The following OSBPL5 variants were observed in gnomAD, a reference collection of about 807,000 sequenced individuals.
OSBPL5 encodes the protein oxysterol-binding protein-related protein 5.
Under a neutral mutation model 111.2 loss-of-function variants are expected in OSBPL5, and 71 were observed. That is an observed-to-expected ratio of 0.64 (90% confidence interval 0.53 to 0.78). The LOEUF (loss-of-function observed/expected upper bound fraction) is 0.78. Ranked by LOEUF, OSBPL5 falls within the 30% of genes least tolerant of loss-of-function variation. The pLI, the probability that OSBPL5 is intolerant of heterozygous loss-of-function variation, is 0.00. For synonymous variants in OSBPL5, 549 were observed against 513.9 expected (o/e 1.07, Z -0.93); for missense variants, 1,210 against 1,189.3 (o/e 1.02, Z -0.26).
intron 1 of OSBPL5, among the ~76,000 whole-genome samples, chr11:3,158,674 G>A (rs1846858675): frequency 6.6e-6 from 1 of 152,272 alleles, no homozygotes; most frequent in South Asian, 2.1e-4. Context: ...GCTGCACACA[G>A]TGGTGCAGGA....
intron 1 of OSBPL5, among the ~76,000 whole-genome samples, chr11:3,145,028 C>T (rs1846293167): frequency 1.3e-5 from 2 of 152,234 alleles, no homozygotes; most frequent in South Asian, 4.1e-4. Context: ...CCAGCGGAGG[C>T]CTTTGGGGGG....
intron 3 of OSBPL5, among the ~76,000 whole-genome samples, chr11:3,125,645 A>T (rs538079093): frequency 1.5e-3 from 226 of 152,350 alleles, no homozygotes; most frequent in Non-Finnish European, 2.6e-3. Flanking sequence ...TCTACTAAAA[A>T]TACAAAAAAA....
In OSBPL5 at chr11:3,101,582, C is replaced by T. The variant is rs561142041; in HGVS notation, c.1522+21G>A. The T allele has an allele frequency of 2.2e-5, 35 of 1,599,370 alleles. No homozygotes were observed. The Admixed American group carries it at 2.5e-4, about 11-fold the overall frequency. ...CGCATTTCCCTGAGGCCCCAGGGAGCGCCCAGGGTGACCCCCTCACCATAA... is the reference window on the plus strand; with the variant it reads ...CGCATTTCCCTGAGGCCCCAGGGAGTGCCCAGGGTGACCCCCTCACCATAA... On this transcript the variant is annotated intron_variant, in intron 13 of 21. Coordinates refer to ENST00000263650, the MANE Select transcript of OSBPL5 (RefSeq NM_020896.4).
rs548961694 is a variant in OSBPL5 at position 3,121,546 on chromosome 11, A to G, written c.402+451T>C. On this transcript the variant is annotated intron_variant, in intron 5 of 21. Transcript: ENST00000263650. This position sits in a 1 kb window ranked among gnomAD's most constrained non-coding sequence, Gnocchi z 4.3. ...TTGCCCAGCAGCCTCGGAGTTGGGCAGTTTTACCTCCACTGTACACAAGGG... is the reference window on the plus strand; with the variant it reads ...TTGCCCAGCAGCCTCGGAGTTGGGCGGTTTTACCTCCACTGTACACAAGGG... Among the ~76,000 whole-genome samples, 7 of 152,210 alleles carry G rather than the reference A, an allele frequency of 4.6e-5. No homozygotes were observed. The East Asian group carries it at 1.4e-3, about 29-fold the overall frequency.
At chr11:3,143,056 GGAGCGGGGCAGAGGAGGCAGGTGCA>G (rs1846185855) in intron 1 of OSBPL5, among the ~76,000 whole-genome samples, 1 of 61,628 alleles carries the variant, frequency 1.6e-5, no homozygotes, top group Non-Finnish European at 3.4e-5. Flanking sequence ...AGGCAGGTGC[GGAGCGGGGCAGAGGAGGCAGGTGCA>G]GAGGGGGGCA....
chr11:3,119,021 T>TC (rs1271143261), intron 7 of OSBPL5, among the ~76,000 whole-genome samples: 1 of 151,488 alleles, frequency 6.6e-6, no homozygotes, highest in Non-Finnish European at 1.5e-5. Context: ...TTTTTTTTTT[T>TC]TCTTTAAGAC....
At position 3,146,252 on chromosome 11, in the gene OSBPL5, A is replaced by C. The variant is rs1846339881; in HGVS notation, c.-21-17083T>G. On this transcript the variant is annotated intron_variant, in intron 1 of 21. Transcript: ENST00000263650. The surrounding 1 kb of genome is among the most constrained non-coding windows in gnomAD (Gnocchi z 7.8). ...TTATGAGCTGCGCCCCCACCCCCAA[A>C]CCCACCTCTGGGGAAGTCTGTTCTT... is the stretch of plus-strand genomic sequence containing the variant. 1 of 151,662 alleles carries C rather than the reference A, an allele frequency of 6.6e-6. No homozygotes were observed. Among genetic ancestry groups the C allele is most frequent in the Non-Finnish European group, 1.5e-5 (1 of 67,940 alleles). The allele number at this position is 151,662 out of a possible 1,614,324, so 9.4% of individuals were successfully genotyped here.
At chr11:3,148,156 C>G (rs1846427854) in intron 1 of OSBPL5, among the ~76,000 whole-genome samples, 6 of 152,244 alleles carry the variant, frequency 3.9e-5, no homozygotes, top group Admixed American at 2.6e-4. Context: ...GATGTGTATA[C>G]AGTACAGCCG....
intron 3 of OSBPL5, among the ~76,000 whole-genome samples, chr11:3,124,020 G>T (rs990369589): frequency 3.3e-5 from 5 of 152,230 alleles, no homozygotes; most frequent in African/African-American, 1.2e-4. Flanking sequence ...CCAGCCACCA[G>T]CACGCAGAGG....
rs1846074783 is a variant in OSBPL5, at chr11:3,140,473, T to C, written c.-21-11304A>G. On this transcript the variant is annotated intron_variant, in intron 1 of 21. Coordinates refer to ENST00000263650, the MANE Select transcript of OSBPL5 (RefSeq NM_020896.4). The surrounding 1 kb of genome is among the most constrained non-coding windows in gnomAD (Gnocchi z 4.5). ...CTGTGTGGACACTCAGGGGTCCCAG[T>C]CTGAGGGGGAACACAAGGCCTTGAC... Among the ~76,000 whole-genome samples the C allele has an allele frequency of 6.6e-6, 1 of 151,962 alleles. No individual in the cohort carries two copies. Among genetic ancestry groups the C allele is most frequent in the South Asian group, 2.1e-4 (1 of 4,828 alleles).
chr11:3,142,871 G>A lies in OSBPL5; in HGVS notation c.-21-13702C>T, dbSNP rs1346760261. ...ACACAAGGAAACAGTGAGACCAGAG[G>A]AAAAGGACAAAACCAGTCACCCAGG... is the stretch of plus-strand genomic sequence containing the variant. On this transcript the variant is annotated intron_variant, in intron 1 of 21. Coordinates refer to ENST00000263650, the MANE Select transcript of OSBPL5 (RefSeq NM_020896.4). This position sits in a 1 kb window ranked among gnomAD's most constrained non-coding sequence, Gnocchi z 7.1. Among the ~76,000 whole-genome samples the A allele has an allele frequency of 6.6e-6, 1 of 151,806 alleles. No homozygotes were observed. The highest frequency in any genetic ancestry group is 1.5e-5 in the Non-Finnish European group (1 of 67,942).
chr11:3,147,907 C>G (rs113669016), intron 1 of OSBPL5, among the ~76,000 whole-genome samples: 5 of 152,188 alleles, frequency 3.3e-5, no homozygotes, highest in Non-Finnish European at 5.9e-5. Flanking sequence ...TGCGACTGAA[C>G]GCCCACCATG....
intron 5 of OSBPL5, among the ~76,000 whole-genome samples, chr11:3,120,989 G>C (rs997150085): frequency 6.6e-6 from 1 of 151,892 alleles, no homozygotes; most frequent in Non-Finnish European, 1.5e-5. Context: ...CGTGGGTCAA[G>C]TTCAAGGTCA....
chr11:3,088,522 G>A (rs1221184019), intron 21 of OSBPL5, among the ~76,000 whole-genome samples, 179 bp from the exon 22 acceptor site: 1 of 152,088 alleles, frequency 6.6e-6, no homozygotes, highest in Non-Finnish European at 1.5e-5. Context: ...TAGTGGGAGG[G>A]CCCCACAGCA....
chr11:3,157,048 G>A (rs1295221946), intron 1 of OSBPL5, among the ~76,000 whole-genome samples: 1 of 152,248 alleles, frequency 6.6e-6, no homozygotes, highest in South Asian at 2.1e-4. Context: ...CTCCCAGTTC[G>A]CACAGGTCAG....
intron 1 of OSBPL5, among the ~76,000 whole-genome samples, chr11:3,139,745 G>A (rs766786660): frequency 6.6e-6 from 1 of 152,182 alleles, no homozygotes; most frequent in Non-Finnish European, 1.5e-5. Flanking sequence ...CTGGGCTCCT[G>A]GACCCTGGGT....
chr11:3,090,419 C>A, intron 20 of OSBPL5, 139 bp downstream of exon 20: 1 of 1,246,252 alleles, frequency 8.0e-7, no homozygotes, highest in Non-Finnish European at 1.1e-6. Flanking sequence ...TGGGGGGCCC[C>A]TCAGGGCAGC....
At chr11:3,101,429 C>T (rs536410010) in intron 13 of OSBPL5, among the ~76,000 whole-genome samples, 174 bp downstream of exon 13, 94 of 152,258 alleles carry the variant, frequency 6.2e-4, no homozygotes, top group African/African-American at 2.1e-3. Flanking sequence ...CTGCGGGCAG[C>T]TCTGCCTCAT....
intron 21 of OSBPL5, among the ~76,000 whole-genome samples, chr11:3,089,596 T>C (rs979971569): frequency 1.3e-5 from 2 of 152,146 alleles, no homozygotes; most frequent in African/African-American, 4.8e-5. Flanking sequence ...TCAGGACATC[T>C]CCAGCTCAGT....
Sources: gnomAD v4.1 joint callset for allele counts (sites outside exome capture counted in the v4.1 genomes callset) on GRCh38, gnomAD v4.1.1 for gene constraint, Gnocchi (gnomAD v3.1) non-coding constraint, MANE v1.5 for transcripts, NCBI Gene and HGNC (gene_info 2026-07-23, HGNC 2026-07-21) for gene names.